ENTPD1: variants seen among roughly 807,000 people sequenced by gnomAD.
ENTPD1 encodes the protein ectonucleoside triphosphate diphosphohydrolase 1.
Under a neutral mutation model 57.0 loss-of-function variants are expected in ENTPD1, and 33 were observed. The observed-to-expected ratio is 0.58, with a 90% CI of 0.44 to 0.77. The LOEUF (loss-of-function observed/expected upper bound fraction) is 0.77, where lower values mean the gene tolerates loss of function less well. ENTPD1 is among the 30% of genes least tolerant of loss of function. ENTPD1 has a pLI of 0.00. For missense variants in ENTPD1, 501 were observed against 603.4 expected, an observed-to-expected ratio of 0.83 and a Z score of 1.78; for synonymous variants, 202 against 218.8, an observed-to-expected ratio of 0.92 and a Z score of 0.68.
At chr10:95,813,045 C>T (rs2098314363) in intron 1 of ENTPD1, among the ~76,000 whole-genome samples, 1 of 152,128 alleles carries the variant, frequency 6.6e-6, no homozygotes, top group Non-Finnish European at 1.5e-5. Context: ...TTGTTGCAAA[C>T]TTTTGTCATT....
intron 7 of ENTPD1, among the ~76,000 whole-genome samples, chr10:95,858,792 A>C (rs2098460146): frequency 6.6e-6 from 1 of 152,238 alleles, no homozygotes; most frequent in Non-Finnish European, 1.5e-5. Flanking sequence ...ATTGCTGGAA[A>C]TCAGGAGAAT....
the ENTPD1 span, among the ~76,000 whole-genome samples, chr10:95,696,803 C>T: frequency 6.6e-6 from 1 of 152,178 alleles, no homozygotes; most frequent in African/African-American, 2.4e-5. Context: ...ATGATACTAG[C>T]AGTTGTCTGT....
chr10:95,876,489 TTCTGTA>T lies in ENTPD1; in HGVS notation c.*10116_*10121del, dbSNP rs2098485931. On this transcript the variant is annotated 3_prime_UTR_variant, in exon 10 of 10. Coordinates refer to ENST00000371205, the MANE Select transcript of ENTPD1 (RefSeq NM_001776.6). ...CTTAAAAATATGTCTCTCTGTCCTA[TTCTGTA>T]TCTGTATCTCTTGGATTTTTACCTT... 8.1e-7 allele frequency: 1 copy of T among 1,231,514 alleles called. No homozygotes were observed. Among genetic ancestry groups the T allele is most frequent in the South Asian group, 4.1e-5 (1 of 24,310 alleles). 76.3% of individuals were successfully genotyped at this position (1,231,514 alleles called of 1,614,324 possible).
chr10:95,748,875 C>T (rs1255313102), intron 1 of ENTPD1, among the ~76,000 whole-genome samples: 2 of 152,146 alleles, frequency 1.3e-5, no homozygotes, highest in African/African-American at 4.8e-5. Flanking sequence ...TAGTCTCCTA[C>T]AAACTGGATT....
intron 1 of ENTPD1, among the ~76,000 whole-genome samples, chr10:95,748,232 T>C (rs763294967): frequency 1.6e-4 from 25 of 152,192 alleles, no homozygotes; most frequent in Admixed American, 3.3e-4. Flanking sequence ...GTGAGTATCA[T>C]CTTGCCAAAT....
chr10:95,852,656 C>A (rs1191413654), intron 7 of ENTPD1, among the ~76,000 whole-genome samples: 3 of 152,166 alleles, frequency 2.0e-5, no homozygotes, highest in Non-Finnish European at 4.4e-5. Flanking sequence ...TATGGCTAGC[C>A]AGTTTTCCCA....
At chr10:95,865,684 T>C (rs2098473021) in intron 9 of ENTPD1, among the ~76,000 whole-genome samples, 1 of 152,216 alleles carries the variant, frequency 6.6e-6, no homozygotes, top group Non-Finnish European at 1.5e-5. Flanking sequence ...CTTCCTTTAA[T>C]TCCAGCAGTT....
chr10:95,852,561 T>G (rs1320336556), intron 7 of ENTPD1, among the ~76,000 whole-genome samples: 2 of 152,232 alleles, frequency 1.3e-5, no homozygotes, highest in Admixed American at 6.5e-5. Context: ...TTTATGGTTT[T>G]GGGTCTAACA....
intron 1 of ENTPD1, among the ~76,000 whole-genome samples, chr10:95,726,545 T>C (rs1443463031): frequency 1.3e-5 from 2 of 152,230 alleles, no homozygotes; most frequent in African/African-American, 2.4e-5. Flanking sequence ...GTGCTAGATA[T>C]AGGATTCTGT....
chr10:95,802,860 C>T (rs1589895325), intron 1 of ENTPD1, among the ~76,000 whole-genome samples: 1 of 152,128 alleles, frequency 6.6e-6, no homozygotes, highest in Non-Finnish European at 1.5e-5. Flanking sequence ...CACTGATGGA[C>T]ATTTGGGTTG....
At chr10:95,841,465 C>A (rs1053200990) in intron 3 of ENTPD1, among the ~76,000 whole-genome samples, 1 of 152,130 alleles carries the variant, frequency 6.6e-6, no homozygotes, top group Admixed American at 6.5e-5. Context: ...GGATTCTTCC[C>A]TCTCAAAAGA....
intron 1 of ENTPD1, among the ~76,000 whole-genome samples, chr10:95,766,522 A>G (rs2098088950): frequency 6.6e-6 from 1 of 152,074 alleles, no homozygotes; most frequent in African/African-American, 2.4e-5. Flanking sequence ...TCTGTTGTCT[A>G]TTTACCTCTA....
chr10:95,722,592 A>G (rs546995780), intron 1 of ENTPD1, among the ~76,000 whole-genome samples: 1 of 150,338 alleles, frequency 6.7e-6, no homozygotes, highest in East Asian at 2.0e-4. Flanking sequence ...TGGGAGTTGA[A>G]CAAAGAGAAC....
chr10:95,788,146 T>C (rs2098188018), intron 1 of ENTPD1, among the ~76,000 whole-genome samples: 1 of 152,164 alleles, frequency 6.6e-6, no homozygotes, highest in Non-Finnish European at 1.5e-5. Flanking sequence ...GACTAGTTCA[T>C]CTAGGCATTA....
At chr10:95,777,487 G>C (rs926980939) in intron 1 of ENTPD1, among the ~76,000 whole-genome samples, 4 of 152,346 alleles carry the variant, frequency 2.6e-5, no homozygotes, top group Non-Finnish European at 4.4e-5. Flanking sequence ...AAATATTGCA[G>C]AACAGCAAAT....
the ENTPD1 span, among the ~76,000 whole-genome samples, chr10:95,699,287 C>G: frequency 6.6e-6 from 1 of 152,054 alleles, no homozygotes; most frequent in East Asian, 1.9e-4. Context: ...GAGGAATCAA[C>G]TAGGAATTGT....
At position 95,871,866 on chromosome 10, in the gene ENTPD1, C is replaced by G; in HGVS notation, c.*5483C>G. On this transcript the variant is annotated 3_prime_UTR_variant, in exon 10 of 10. Transcript: ENST00000371205. ...GATACTCTCATCTAAGAAATAACATCACCTCTTCTAATGAAGTTCTAAGAA... is the reference window on the plus strand; with the variant it reads ...GATACTCTCATCTAAGAAATAACATGACCTCTTCTAATGAAGTTCTAAGAA... 1.0e-6 allele frequency: 1 copy of G among 985,332 alleles called. No individual in the cohort carries two copies. The highest frequency in any genetic ancestry group is 1.2e-6 in the Non-Finnish European group (1 of 829,872). 61.0% of individuals were successfully genotyped at this position (985,332 alleles called of 1,614,324 possible). A position where few individuals can be genotyped will look rare whatever the true frequency, so the allele number is the denominator to read the frequency against.
At chr10:95,832,971 G>T (rs2098400829) in intron 2 of ENTPD1, among the ~76,000 whole-genome samples, 1 of 152,342 alleles carries the variant, frequency 6.6e-6, no homozygotes, top group South Asian at 2.1e-4. Context: ...CCAGTACTCT[G>T]CAGGATTTCC....
chr10:95,783,804 G>A (rs566443468), intron 1 of ENTPD1, among the ~76,000 whole-genome samples: 1 of 151,972 alleles, frequency 6.6e-6, no homozygotes, highest in African/African-American at 2.4e-5. Context: ...TTATTTTTAG[G>A]GCAAGTCACG....
Sources: allele counts gnomAD v4.1 joint callset (sites outside exome capture counted in the v4.1 genomes callset), GRCh38; gene constraint gnomAD v4.1.1; transcripts MANE v1.5; gene names NCBI Gene and HGNC (gene_info 2026-07-23, HGNC 2026-07-21).